SI: variants seen among roughly 807,000 people sequenced by gnomAD.
SI encodes the protein sucrase-isomaltase, intestinal.
A neutral mutation model predicts 253.3 loss-of-function variants in SI; 235 were observed. That is an observed-to-expected ratio of 0.93 (90% CI 0.83 to 1.03). The LOEUF (loss-of-function observed/expected upper bound fraction) is 1.03, where lower values mean the gene tolerates loss of function less well. SI is among the 50% of genes least tolerant of loss of function. SI has a pLI of 0.00. For missense variants in SI, 2,442 were observed against 2,211.1 expected (o/e 1.10, Z -2.09); for synonymous variants, 819 against 712.0 (o/e 1.15, Z -2.39).
At chr3:165,016,568 T>C (rs577772583) in intron 31 of SI, among the ~76,000 whole-genome samples, 43 of 152,098 alleles carry the variant, frequency 2.8e-4, no homozygotes, top group African/African-American at 9.6e-4. Flanking sequence ...ACTATAATCT[T>C]GTTCTTGTAA....
intron 25 of SI, among the ~76,000 whole-genome samples, chr3:165,028,485 G>A (rs1712042055): frequency 6.6e-6 from 1 of 150,656 alleles, no homozygotes; most frequent in Non-Finnish European, 1.5e-5. Context: ...TAGCAAAAGT[G>A]AGAATAAGCA....
At chr3:165,013,074 A>T in intron 33 of SI, 32 bp from the exon 34 acceptor site, 1 of 1,379,014 alleles carries the variant, frequency 7.3e-7, no homozygotes, top group Non-Finnish European at 1.0e-6. Flanking sequence ...AAAGCTGATC[A>T]AAACATAGTC....
chr3:165,087,433 A>G, the SI span, among the ~76,000 whole-genome samples: 1 of 152,182 alleles, frequency 6.6e-6, no homozygotes, highest in Non-Finnish European at 1.5e-5. Context: ...AGGAAAATAT[A>G]TGACCTAAAG....
intron 19 of SI, 43 bp downstream of exon 19, chr3:165,039,844 T>C (rs760896337): frequency 1.3e-5 from 18 of 1,348,186 alleles, no homozygotes; most frequent in Non-Finnish European, 1.6e-5. Context: ...GATTTAGTTA[T>C]ACAAAGTTCA....
chr3:165,007,700 G>A (rs1718578000), intron 36 of SI, among the ~76,000 whole-genome samples: 1 of 151,142 alleles, frequency 6.6e-6, no homozygotes, highest in Non-Finnish European at 1.5e-5. Context: ...GGGTCAAGGT[G>A]TGGTCCAGTG....
rs186630714 is a variant in SI, at chr3:165,038,807, C to T, written c.2301+271G>A. On this transcript the variant is annotated intron_variant, in intron 20 of 47. Transcript: ENST00000264382. The stretch of plus-strand genomic sequence containing the variant: ...CCACTCCTTCCTAAATTACTGCTAA[C>T]CTTTTATTTCCAAAATTTAAAAATA... 3.4e-3 allele frequency among the ~76,000 whole-genome samples: 517 copies of T among 152,036 alleles called. 2 individuals are homozygous for T. Among genetic ancestry groups the T allele is most frequent in the African/African-American group, 0.012 (492 of 41,514 alleles).
chr3:165,019,882 T>C, intron 27 of SI, 112 bp from the exon 28 acceptor site: 1 of 934,808 alleles, frequency 1.1e-6, no homozygotes, highest in Non-Finnish European at 1.7e-6. Flanking sequence ...TTATTTTCCA[T>C]ATTCCTAATT....
At chr3:165,056,353 G>T (rs1713693470) in intron 12 of SI, among the ~76,000 whole-genome samples, 1 of 150,584 alleles carries the variant, frequency 6.6e-6, no homozygotes, top group Non-Finnish European at 1.5e-5. Context: ...GAGCAAAATG[G>T]CTGAAAAGAA....
chr3:165,015,108 A>T lies in SI; in HGVS notation c.3999+15T>A, dbSNP rs373731248. On this transcript the variant is annotated intron_variant, in intron 33 of 47. Transcript: ENST00000264382. ...ATTTTTGTATTTATTCTATTTCAAG[A>T]TATCGATTTAGTACCTTTGCCCAAC... 67 of 1,553,582 alleles carry T rather than the reference A, an allele frequency of 4.3e-5. No homozygotes were observed. Among genetic ancestry groups the T allele is most frequent in the Middle Eastern group, 1.7e-4 (1 of 5,960 alleles).
upstream of SI, among the ~76,000 whole-genome samples, chr3:165,081,178 A>C (rs1458971713): frequency 1.3e-5 from 2 of 152,096 alleles, no homozygotes; most frequent in Non-Finnish European, 2.9e-5. Context: ...CAGTAATTAA[A>C]AAGGTGTTTT....
rs559527440 is a variant in SI at position 165,053,370 on chromosome 3, A to G, written c.1512+1824T>C. ...TACTTGACATAAATATTAAAACTTT[A>G]TCAGTTGAATAACAACTTGTTTTAG... On this transcript the variant is annotated intron_variant, in intron 13 of 47. Coordinates refer to ENST00000264382, the MANE Select transcript of SI (RefSeq NM_001041.4). Among the ~76,000 whole-genome samples, 17 of 152,290 alleles carry G rather than the reference A, an allele frequency of 1.1e-4. No homozygotes were observed. In the East Asian group the frequency reaches 3.1e-3, roughly 28 times the overall value.
chr3:165,005,620 T>G (rs889029641), intron 37 of SI, among the ~76,000 whole-genome samples: 3 of 152,250 alleles, frequency 2.0e-5, no homozygotes, highest in Non-Finnish European at 4.4e-5. Context: ...ATTTAATTAT[T>G]GTATACTACT....
intron 25 of SI, among the ~76,000 whole-genome samples, chr3:165,024,488 C>T (rs1205152860): frequency 6.6e-6 from 1 of 150,832 alleles, no homozygotes; most frequent in Non-Finnish European, 1.5e-5. Context: ...TTGTGTGAGT[C>T]CTCATAAAAG....
chr3:164,996,155 T>C (rs544021317), intron 40 of SI, among the ~76,000 whole-genome samples: 26 of 151,812 alleles, frequency 1.7e-4, no homozygotes, highest in Non-Finnish European at 3.2e-4. Flanking sequence ...GGGGACCATG[T>C]AGATTTCACA....
intron 24 of SI, among the ~76,000 whole-genome samples, chr3:165,031,775 T>A (rs2108204505): frequency 6.6e-6 from 1 of 151,008 alleles, no homozygotes; most frequent in Non-Finnish European, 1.5e-5. Context: ...TGCTTTCGTG[T>A]TTTTAAATAC....
intron 3 of SI, among the ~76,000 whole-genome samples, chr3:165,073,539 T>C (rs965571852): frequency 6.6e-6 from 1 of 152,008 alleles, no homozygotes; most frequent in Non-Finnish European, 1.5e-5. Context: ...AGGGACAAAA[T>C]AAATTTTATA....
Position 164,992,339 on chromosome 3 carries a change from A to G in SI, c.4900T>C (p.Phe1634Leu). The change falls in exon 42 of 48, where the codon TTT (phenylalanine) becomes CTT (leucine). Residue 1634 changes from phenylalanine (F) to leucine (L), a missense_variant. Physicochemically the swap from Phe to Leu is conservative, Grantham distance 22. Transcript: ENST00000264382. The part of the protein sequence containing the change: ...IFKQFLWGPA[F>L]MVTPVLEPYV... ...GGTTCCAGTACTGGGGTAACCATAA[A>G]TGCTGGACCCCATAAGAACTGCTTG... 1 of 1,613,442 alleles carries G rather than the reference A, an allele frequency of 6.2e-7. No homozygotes were observed. The highest frequency in any genetic ancestry group is 8.5e-7 in the Non-Finnish European group (1 of 1,179,556).
chr3:165,049,597 C>T (rs1337023035), intron 14 of SI, among the ~76,000 whole-genome samples, 194 bp downstream of exon 14: 1 of 151,772 alleles, frequency 6.6e-6, no homozygotes, highest in Non-Finnish European at 1.5e-5. Flanking sequence ...ATTTTAAAGC[C>T]TTATACTAGA....
intron 1 of SI, among the ~76,000 whole-genome samples, chr3:165,077,064 T>A (rs1024435405): frequency 6.6e-6 from 1 of 150,724 alleles, no homozygotes; most frequent in African/African-American, 2.4e-5. Flanking sequence ...CCTAAACACC[T>A]TTTTTTCCTT....
Sources: allele counts gnomAD v4.1 joint callset (sites outside exome capture counted in the v4.1 genomes callset), GRCh38; gene constraint gnomAD v4.1.1; transcripts MANE v1.5; gene names NCBI Gene and HGNC (gene_info 2026-07-23, HGNC 2026-07-21).